PDE4D: variants seen among roughly 807,000 people sequenced by gnomAD.
PDE4D encodes 3',5'-cyclic-AMP phosphodiesterase 4D.
A neutral mutation model predicts 87.4 loss-of-function variants in PDE4D; 24 were observed. The ratio of observed to expected loss-of-function variants is 0.27; its 90% CI spans 0.20 to 0.39. The LOEUF (loss-of-function observed/expected upper bound fraction) is 0.39. Among genes scored for constraint, PDE4D ranks in the 10% least tolerant of loss-of-function variants. The probability of loss-of-function intolerance (pLI) is 1.00; values close to 1 mark genes in which losing one functional copy is unlikely to be tolerated. For missense variants in PDE4D, 714 were observed against 1,041.0 expected, an observed-to-expected ratio of 0.69 and a Z score of 4.32; for synonymous variants, 384 against 383.2, an observed-to-expected ratio of 1.00 and a Z score of -0.02.
intron 2 of PDE4D, among the ~76,000 whole-genome samples, chr5:60,057,108 A>C (rs1221996995): frequency 1.3e-5 from 2 of 152,040 alleles, no homozygotes; most frequent in Non-Finnish European, 2.9e-5. Context: ...CAGGTATATA[A>C]TTTCATGCCC....
chr5:59,206,879 C>G (rs1161249015), intron 2 of PDE4D, among the ~76,000 whole-genome samples: 1 of 152,152 alleles, frequency 6.6e-6, no homozygotes, highest in African/African-American at 2.4e-5. Flanking sequence ...CCATATGCCC[C>G]ACCGTCAAGA....
intron 1 of PDE4D, chr5:59,587,534 C>T: frequency 3.0e-6 from 3 of 985,406 alleles, no homozygotes; most frequent in Non-Finnish European, 3.6e-6. Context: ...CTTTGGAATC[C>T]TCGCAGCCGC....
In PDE4D at chr5:58,975,736, T is replaced by C. The variant is rs777455204; in HGVS notation, c.1934A>G (p.Gln645Arg). ...GCCACGTTCCCTCTCTCGGTCTCCTTGGCGGAAGAACTCCTCCATTATCCG... is the reference window on the plus strand; with the variant it reads ...GCCACGTTCCCTCTCTCGGTCTCCTCGGCGGAAGAACTCCTCCATTATCCG... Reference protein sequence around the residue: ...TDRIMEEFFRQGDRERERGME... With the variant: ...TDRIMEEFFRRGDRERERGME... The change falls in exon 14 of 15, where the codon CAA becomes CGA. Residue 645 changes from glutamine (Q) to arginine (R), a missense_variant. By Grantham distance (43) the Gln-to-Arg change is conservative. Coordinates refer to ENST00000340635, the MANE Select transcript of PDE4D (RefSeq NM_001104631.2). This position sits in a 1 kb window ranked among gnomAD's most constrained non-coding sequence, Gnocchi z 4.2. 6.2e-7 allele frequency: 1 copy of C among 1,613,452 alleles called. No homozygotes were observed. The highest frequency in any genetic ancestry group is 1.3e-5 in the African/African-American group (1 of 75,022).
At chr5:60,319,776 C>A (rs1297934740) in intron 1 of PDE4D, among the ~76,000 whole-genome samples, 1 of 152,202 alleles carries the variant, frequency 6.6e-6, no homozygotes, top group Non-Finnish European at 1.5e-5. Context: ...TGGGTATCAG[C>A]AGCAGAGGCT....
intron 1 of PDE4D, among the ~76,000 whole-genome samples, chr5:60,264,163 G>T (rs1288796608): frequency 1.3e-5 from 2 of 152,104 alleles, no homozygotes; most frequent in African/African-American, 4.8e-5. Context: ...AGCTTTAGAA[G>T]TGGGAATGCA....
intron 1 of PDE4D, among the ~76,000 whole-genome samples, chr5:59,416,395 A>G (rs923316459): frequency 2.0e-5 from 3 of 152,028 alleles, no homozygotes; most frequent in African/African-American, 7.2e-5. Context: ...GTATGCCTGA[A>G]TTTTTTTCCA....
intron 5 of PDE4D, among the ~76,000 whole-genome samples, chr5:59,178,650 A>G (rs544977247): frequency 6.6e-6 from 1 of 152,184 alleles, no homozygotes; most frequent in Non-Finnish European, 1.5e-5. Context: ...GCACCCAACC[A>G]TCTGTTGTCA....
At chr5:59,025,333 T>C (rs1381591925) in intron 6 of PDE4D, among the ~76,000 whole-genome samples, 3 of 152,194 alleles carry the variant, frequency 2.0e-5, no homozygotes, top group Non-Finnish European at 4.4e-5. Context: ...ATAAAGTCTT[T>C]ATGGTCAAAG....
At chr5:59,576,919 T>C (rs1267596863) in intron 1 of PDE4D, among the ~76,000 whole-genome samples, 1 of 152,136 alleles carries the variant, frequency 6.6e-6, no homozygotes, top group Non-Finnish European at 1.5e-5. Context: ...TTGTAAGAGG[T>C]CTCTTTCACT....
At chr5:59,148,685 C>T (rs757392821) in intron 5 of PDE4D, among the ~76,000 whole-genome samples, 5 of 151,348 alleles carry the variant, frequency 3.3e-5, no homozygotes, top group Non-Finnish European at 7.4e-5. Context: ...ATAGGAACTC[C>T]GTAGATGATA....
At chr5:60,444,526 TC>T (rs1196450448) in intron 1 of PDE4D, among the ~76,000 whole-genome samples, 1 of 152,014 alleles carries the variant, frequency 6.6e-6, no homozygotes, top group Non-Finnish European at 1.5e-5. Flanking sequence ...AGGAGAGAGA[TC>T]AGCATTGCTT....
chr5:59,926,915 G>A (rs1755353897), intron 3 of PDE4D, among the ~76,000 whole-genome samples: 2 of 152,110 alleles, frequency 1.3e-5, no homozygotes, highest in African/African-American at 4.8e-5. Context: ...AGGATCTGAT[G>A]GCCTCACTGC....
chr5:58,979,822 T>TTATC (rs1239675441), intron 11 of PDE4D, among the ~76,000 whole-genome samples: 37 of 152,312 alleles, frequency 2.4e-4, no homozygotes, highest in Admixed American at 2.4e-3. Flanking sequence ...TTTTTTGTCT[T>TTATC]TATCTCTACA....
At chr5:59,862,751 G>T (rs991177640) in intron 1 of PDE4D, among the ~76,000 whole-genome samples, 1 of 152,150 alleles carries the variant, frequency 6.6e-6, no homozygotes, top group Non-Finnish European at 1.5e-5. Context: ...CTGCGGAAAA[G>T]TTTCTTAATA....
At chr5:59,551,616 T>C (rs569679161) in intron 1 of PDE4D, among the ~76,000 whole-genome samples, 14 of 152,234 alleles carry the variant, frequency 9.2e-5, no homozygotes, top group African/African-American at 3.4e-4. Flanking sequence ...TATGTTACTG[T>C]AATTTTTATG....
chr5:60,128,390 A>G (rs1032835595), intron 2 of PDE4D, among the ~76,000 whole-genome samples: 6 of 152,130 alleles, frequency 3.9e-5, no homozygotes, highest in Non-Finnish European at 1.5e-5. Context: ...CTGGGCCCAT[A>G]GCTAGACCAC....
intron 5 of PDE4D, among the ~76,000 whole-genome samples, chr5:59,082,995 G>A (rs947394054): frequency 5.9e-5 from 9 of 152,024 alleles, no homozygotes; most frequent in South Asian, 2.1e-4. Flanking sequence ...TAGGATTCCC[G>A]TTGCTTTGTT....
At chr5:59,197,717 CAG>C (rs1340449751) in intron 2 of PDE4D, among the ~76,000 whole-genome samples, 5 of 152,142 alleles carry the variant, frequency 3.3e-5, no homozygotes, top group East Asian at 1.9e-4. Flanking sequence ...CATTTAAAAA[CAG>C]ATCTGGTAGT....
intron 1 of PDE4D, among the ~76,000 whole-genome samples, chr5:59,889,475 A>G (rs994296531): frequency 6.6e-6 from 1 of 152,012 alleles, no homozygotes; most frequent in African/African-American, 2.4e-5. Context: ...AGCGAGACCC[A>G]GTCTCTAAAA....
Sources: allele counts gnomAD v4.1 joint callset (sites outside exome capture counted in the v4.1 genomes callset), GRCh38; gene constraint gnomAD v4.1.1; non-coding constraint Gnocchi (gnomAD v3.1); transcripts MANE v1.5; gene names NCBI Gene and HGNC (gene_info 2026-07-23, HGNC 2026-07-21).